Variants in SAMD12 observed in about 807,000 individuals in gnomAD.
SAMD12 encodes sterile alpha motif domain containing 12.
A neutral mutation model predicts 15.0 loss-of-function variants in SAMD12; 9 were observed. The observed-to-expected ratio is 0.60, with a 90% confidence interval of 0.36 to 1.05. SAMD12 has a LOEUF of 1.05. SAMD12 is among the 50% of genes least tolerant of loss of function. SAMD12 has a pLI of 0.01. For missense variants in SAMD12, 230 were observed against 234.2 expected, an observed-to-expected ratio of 0.98 and a Z score of 0.12; for synonymous variants, 86 against 90.1, an observed-to-expected ratio of 0.96 and a Z score of 0.25.
At chr8:118,285,892 C>T (rs1470689372) in intron 4 of SAMD12, among the ~76,000 whole-genome samples, 3 of 152,086 alleles carry the variant, frequency 2.0e-5, no homozygotes, top group Admixed American at 6.5e-5. Context: ...AGTTGGCTGG[C>T]TATCTAAGTG....
At chr8:118,574,519 A>G (rs529619708) in intron 2 of SAMD12, among the ~76,000 whole-genome samples, 11 of 152,358 alleles carry the variant, frequency 7.2e-5, no homozygotes, top group African/African-American at 2.6e-4. Context: ...AATAAATTAG[A>G]TGGTCAAATG....
At chr8:118,533,172 A>T (rs1391415428) in intron 2 of SAMD12, among the ~76,000 whole-genome samples, 9 of 152,080 alleles carry the variant, frequency 5.9e-5, no homozygotes, top group Admixed American at 5.9e-4. Context: ...GAACATCTTT[A>T]TTTCTGCCTT....
chr8:118,259,888 T>C (rs1813036465), intron 4 of SAMD12, among the ~76,000 whole-genome samples: 1 of 152,134 alleles, frequency 6.6e-6, no homozygotes, highest in Non-Finnish European at 1.5e-5. Context: ...GCTAGTACAT[T>C]TCAAGTTTAA....
rs60190865 is a variant in SAMD12 at position 118,428,414 on chromosome 8, G to GAAAGA, written c.322+11413_322+11417dup. 5.3e-4 allele frequency among the ~76,000 whole-genome samples: 79 copies of GAAAGA among 149,958 alleles called. 1 individual carries two copies. In the South Asian group the frequency reaches 0.011, roughly 22 times the overall value. ...ACGCTGTCTCAAAAACAATAACAAA[G>GAAAGA]AAAGAAAAGAAAAGAAAAAAGAAAA... is the stretch of plus-strand genomic sequence containing the variant. On this transcript the variant is annotated intron_variant, in intron 3 of 3. Transcript: ENST00000314727.
chr8:118,584,881 C>T (rs1827393706), intron 1 of SAMD12, among the ~76,000 whole-genome samples: 1 of 151,602 alleles, frequency 6.6e-6, no homozygotes, highest in Admixed American at 6.6e-5. Flanking sequence ...AAAAATTAAA[C>T]ACAGAATTGT....
At chr8:118,332,516 A>T (rs1458004098) in intron 4 of SAMD12, among the ~76,000 whole-genome samples, 1 of 152,190 alleles carries the variant, frequency 6.6e-6, no homozygotes, top group East Asian at 1.9e-4. Flanking sequence ...CACAACACTG[A>T]TTACTCTTTA....
At chr8:118,211,660 C>T (rs980660132) in intron 4 of SAMD12, among the ~76,000 whole-genome samples, 2 of 152,056 alleles carry the variant, frequency 1.3e-5, no homozygotes, top group African/African-American at 4.8e-5. Flanking sequence ...ATTATGAGGC[C>T]CTTATAAAAC....
At chr8:118,146,832 T>A in the SAMD12 span, among the ~76,000 whole-genome samples, 1 of 152,176 alleles carries the variant, frequency 6.6e-6, no homozygotes, top group African/African-American at 2.4e-5. Flanking sequence ...GAGGGAAGGA[T>A]TTTTAAAATG....
chr8:118,515,870 A>G (rs1825230346), intron 2 of SAMD12, among the ~76,000 whole-genome samples: 1 of 152,004 alleles, frequency 6.6e-6, no homozygotes, highest in Non-Finnish European at 1.5e-5. Context: ...ACTCTGGTAG[A>G]CTCCAGTCCC....
At chr8:118,481,327 A>G (rs560748829) in intron 2 of SAMD12, among the ~76,000 whole-genome samples, 3 of 152,302 alleles carry the variant, frequency 2.0e-5, no homozygotes, top group African/African-American at 7.2e-5. Flanking sequence ...AACACAGGCC[A>G]TCTCTATTTA....
At chr8:118,251,801 G>C (rs952993201) in intron 4 of SAMD12, among the ~76,000 whole-genome samples, 22 of 152,038 alleles carry the variant, frequency 1.4e-4, no homozygotes, top group African/African-American at 5.3e-4. Flanking sequence ...CACTGATACA[G>C]AACAAGGTGA....
intron 2 of SAMD12, among the ~76,000 whole-genome samples, chr8:118,467,331 G>T (rs773602691): frequency 6.6e-6 from 1 of 152,190 alleles, no homozygotes; most frequent in Non-Finnish European, 1.5e-5. Context: ...GAACAATTGT[G>T]CTATCTCATA....
chr8:118,217,414 TG>T (rs1563700050), intron 4 of SAMD12, among the ~76,000 whole-genome samples: 2 of 152,198 alleles, frequency 1.3e-5, no homozygotes, highest in East Asian at 3.8e-4. Flanking sequence ...AATATCAGTA[TG>T]GGTGAGGGAT....
At chr8:118,536,054 T>C (rs1210855394) in intron 2 of SAMD12, among the ~76,000 whole-genome samples, 3 of 152,200 alleles carry the variant, frequency 2.0e-5, no homozygotes, top group East Asian at 3.8e-4. Context: ...CTGGGAGCTG[T>C]AGACTGGAGC....
At position 118,553,147 on chromosome 8, in the gene SAMD12, C is replaced by T. The variant is rs1200553722; in HGVS notation, c.192+27568G>A. On this transcript the variant is annotated intron_variant, in intron 2 of 3. Coordinates refer to ENST00000314727, the MANE Select transcript of SAMD12 (RefSeq NM_207506.3). ...ATTCAATGCCATCCCCATCAAGCTA[C>T]CAATGACTTTCTTCACAGAATTGGA... is the stretch of plus-strand genomic sequence containing the variant. Among the ~76,000 whole-genome samples, 5 of 151,864 alleles carry T rather than the reference C, an allele frequency of 3.3e-5. No individual in the cohort carries two copies. In the East Asian group the frequency reaches 9.6e-4, roughly 29 times the overall value.
intron 4 of SAMD12, among the ~76,000 whole-genome samples, chr8:118,205,571 T>C (rs1030429416): frequency 2.0e-5 from 3 of 152,352 alleles, no homozygotes; most frequent in African/African-American, 7.2e-5. Context: ...ATCAGGGGCC[T>C]GTTAATTCCA....
chr8:118,539,052 A>C (rs1330856529), intron 2 of SAMD12, among the ~76,000 whole-genome samples: 1 of 152,238 alleles, frequency 6.6e-6, no homozygotes, highest in Non-Finnish European at 1.5e-5. Flanking sequence ...CCATCTCCCA[A>C]GAGTAATATG....
At chr8:118,379,811 A>C (rs1368743851) in intron 3 of SAMD12, 111 bp from the exon 4 acceptor site, 15 of 1,326,034 alleles carry the variant, frequency 1.1e-5, no homozygotes, top group Non-Finnish European at 1.4e-5. Context: ...ACCTAAACAC[A>C]GACATTTTAG....
intron 4 of SAMD12, among the ~76,000 whole-genome samples, chr8:118,333,910 C>A (rs1378515787): frequency 8.6e-6 from 1 of 115,794 alleles, no homozygotes; most frequent in Non-Finnish European, 1.7e-5. Context: ...TGTGTGTGTG[C>A]ACGTTGGCAG....
Sources: allele counts gnomAD v4.1 joint callset (sites outside exome capture counted in the v4.1 genomes callset), GRCh38; gene constraint gnomAD v4.1.1; transcripts MANE v1.5; gene names NCBI Gene and HGNC (gene_info 2026-07-23, HGNC 2026-07-21).